Variants in ACO1 observed in about 807,000 individuals in gnomAD.
ACO1 encodes the protein cytoplasmic aconitate hydratase.
A neutral mutation model predicts 105.1 loss-of-function variants in ACO1; 78 were observed. That is an observed-to-expected ratio of 0.74 (90% CI 0.62 to 0.90). The LOEUF (loss-of-function observed/expected upper bound fraction) is 0.90. Among genes scored for constraint, ACO1 ranks in the 40% least tolerant of loss-of-function variants. The pLI, the probability that ACO1 is intolerant of heterozygous loss-of-function variation, is 0.00. For synonymous variants in ACO1, 364 were observed against 397.4 expected, an observed-to-expected ratio of 0.92 and a Z score of 1.00; for missense variants, 965 against 1,111.1, an observed-to-expected ratio of 0.87 and a Z score of 1.87.
chr9:32,424,801 A>T, intron 10 of ACO1, 136 bp downstream of exon 10: 1 of 649,772 alleles, frequency 1.5e-6, no homozygotes, highest in Admixed American at 2.8e-5. Context: ...TTCCTTCTGA[A>T]GTCCTTAATG....
rs201517506 is a variant in ACO1 at position 32,418,499 on chromosome 9, A to G, written c.646A>G (p.Ile216Val). ...SHTTMIDGLG[I>V]LGWGVGGIEA... The stretch of plus-strand genomic sequence containing the variant: ...CACTACCATGATTGATGGCTTGGGC[A>G]TTCTTGGTTGGGGTGAGTGTTCTTC... Residue 216 changes from isoleucine (I) to valine (V), a missense_variant, in exon 6 of 21, where the codon ATT becomes GTT. Transcript: ENST00000309951. The G allele has an allele frequency of 3.7e-6, 6 of 1,612,722 alleles. No homozygotes were observed. Among genetic ancestry groups the G allele is most frequent in the Non-Finnish European group, 4.2e-6 (5 of 1,178,860 alleles).
chr9:32,418,410 C>A lies in ACO1; in HGVS notation c.557C>A (p.Ala186Glu). 6.2e-7 allele frequency: 1 copy of A among 1,614,152 alleles called. No homozygotes were observed. Among genetic ancestry groups the A allele is most frequent in the Non-Finnish European group, 8.5e-7 (1 of 1,180,012 alleles). Residue 186 changes from alanine to glutamate, a missense_variant, in exon 6 of 21, where the codon GCA (alanine) becomes GAA (glutamate). Ala to Glu is a moderately radical substitution (Grantham distance 107, BLOSUM62 -1). Coordinates refer to ENST00000309951, the MANE Select transcript of ACO1 (RefSeq NM_002197.3). ...CACCAGGTGAATTTGGAATATTTGG[C>A]AAGAGTGGTATTTGATCAGGATGGA... is the stretch of plus-strand genomic sequence containing the variant. Reference protein sequence around the residue: ...IIHQVNLEYLARVVFDQDGYY... With the variant: ...IIHQVNLEYLERVVFDQDGYY...
chr9:32,408,480 C>A, intron 3 of ACO1, 34 bp from the exon 4 acceptor site: 1 of 1,612,084 alleles, frequency 6.2e-7, no homozygotes, highest in Non-Finnish European at 8.5e-7. Flanking sequence ...ACATTTAAGG[C>A]TTATTTTCTG....
At chr9:32,391,782 A>G (rs1821272004) in intron 1 of ACO1, among the ~76,000 whole-genome samples, 1 of 152,210 alleles carries the variant, frequency 6.6e-6, no homozygotes, top group Non-Finnish European at 1.5e-5. Context: ...CTCCTACATG[A>G]TTACCAGGTT....
At chr9:32,406,654 A>G (rs1821617605) in intron 2 of ACO1, among the ~76,000 whole-genome samples, 1 of 152,202 alleles carries the variant, frequency 6.6e-6, no homozygotes, top group South Asian at 2.1e-4. Flanking sequence ...TACAATAAAA[A>G]TCTAGACTGA....
chr9:32,409,788 G>A (rs1465378593), intron 4 of ACO1, among the ~76,000 whole-genome samples: 2 of 151,894 alleles, frequency 1.3e-5, no homozygotes, highest in African/African-American at 2.4e-5. Flanking sequence ...CAGAAGGTTA[G>A]GCCATGCATA....
intron 17 of ACO1, among the ~76,000 whole-genome samples, chr9:32,435,512 T>C (rs1822335906): frequency 6.6e-6 from 1 of 152,218 alleles, no homozygotes; most frequent in Non-Finnish European, 1.5e-5. Context: ...TTAAATTCTA[T>C]CTAACCATTG....
chr9:32,425,867 T>A lies in ACO1; in HGVS notation c.1218T>A (p.Pro406=), dbSNP rs550196915. The change falls in exon 11 of 21, where the codon CCT becomes CCA. Residue 406 remains proline (P), a synonymous_variant. Transcript: ENST00000309951. ...KQGFKGFQVA[P]EHHNDHKTFI... is the part of the protein sequence containing the mutation. ...GATTTAAAGGATTCCAAGTTGCTCCTGAACATCATAATGACCATAAGACCT... is the reference window on the plus strand; with the variant it reads ...GATTTAAAGGATTCCAAGTTGCTCCAGAACATCATAATGACCATAAGACCT... 6.2e-7 allele frequency: 1 copy of A among 1,613,744 alleles called. No individual in the cohort carries two copies. Among genetic ancestry groups the A allele is most frequent in the East Asian group, 2.2e-5 (1 of 44,882 alleles).
At chr9:32,387,328 A>G (rs570268957) in intron 1 of ACO1, among the ~76,000 whole-genome samples, 27 of 152,294 alleles carry the variant, frequency 1.8e-4, no homozygotes, top group African/African-American at 6.3e-4. Flanking sequence ...TTATACTAGC[A>G]TTTGTGCATA....
chr9:32,409,359 A>T (rs1821684493), intron 4 of ACO1, among the ~76,000 whole-genome samples: 1 of 152,234 alleles, frequency 6.6e-6, no homozygotes, highest in African/African-American at 2.4e-5. Flanking sequence ...TAGGCATTTA[A>T]TATCCTAAAT....
intron 1 of ACO1, among the ~76,000 whole-genome samples, chr9:32,397,660 G>T (rs190951604): frequency 6.6e-6 from 1 of 152,300 alleles, no homozygotes; most frequent in Non-Finnish European, 1.5e-5. Flanking sequence ...AAACAGAAAT[G>T]AAATATAGCT....
chr9:32,404,913 C>T (rs928593137), intron 1 of ACO1, among the ~76,000 whole-genome samples: 1 of 152,162 alleles, frequency 6.6e-6, no homozygotes, highest in African/African-American at 2.4e-5. Context: ...CAAGAAAGAA[C>T]CCTGGATAAT....
rs1405253791 is a variant in ACO1, at chr9:32,453,039, ACTT to A, written c.*2932_*2934del. On this transcript the variant is annotated 3_prime_UTR_variant, in exon 21 of 21. Transcript: ENST00000309951. ...CCCACTAACAAGCCTAAATAAACCA[ACTT>A]CTTTTACCTGGTTCTTTAAGGGCTG... 1.4e-5 allele frequency: 2 copies of A among 146,318 alleles called. No homozygotes were observed. Among genetic ancestry groups the A allele is most frequent in the African/African-American group, 5.0e-5 (2 of 39,892 alleles). 9.1% of individuals were successfully genotyped at this position (146,318 alleles called of 1,614,324 possible).
intron 1 of ACO1, among the ~76,000 whole-genome samples, chr9:32,404,810 A>G (rs1460945068): frequency 6.6e-6 from 1 of 152,218 alleles, no homozygotes. Context: ...GTGCCCACCA[A>G]TGATTCTCAA....
At chr9:32,408,762 C>T (rs1458447158) in intron 4 of ACO1, 111 bp downstream of exon 4, 1 of 1,309,086 alleles carries the variant, frequency 7.6e-7, no homozygotes, top group East Asian at 2.5e-5. Flanking sequence ...TCAAAGATAT[C>T]TTCTGAAAAA....
rs1198617310 is a variant in ACO1 at position 32,454,553 on chromosome 9, T to A, written c.*4442T>A. Reference sequence around the variant, plus strand: ...CCCTGCCAGGATGCTCTAATGGGGCTGGGCATGTGTCCATGAAAAAGACTC... The same window carrying A: ...CCCTGCCAGGATGCTCTAATGGGGCAGGGCATGTGTCCATGAAAAAGACTC... On this transcript the variant is annotated 3_prime_UTR_variant, in exon 21 of 21. Transcript: ENST00000309951. The A allele has an allele frequency of 6.6e-6, 1 of 152,128 alleles. No individual in the cohort carries two copies. The highest frequency in any genetic ancestry group is 1.5e-5 in the Non-Finnish European group (1 of 68,020). 9.4% of individuals were successfully genotyped at this position (152,128 alleles called of 1,614,324 possible).
chr9:32,405,425 C>A, intron 1 of ACO1, 60 bp from the exon 2 acceptor site: 2 of 1,003,398 alleles, frequency 2.0e-6, no homozygotes, highest in East Asian at 2.4e-5. Context: ...CCTCCCAGTC[C>A]TGATTTCTAG....
At chr9:32,403,624 A>G (rs1821544717) in intron 1 of ACO1, among the ~76,000 whole-genome samples, 1 of 152,218 alleles carries the variant, frequency 6.6e-6, no homozygotes, top group Admixed American at 6.5e-5. Context: ...CCCACTGCAT[A>G]ATGGCAGATA....
rs1587534377 is a variant in ACO1, at chr9:32,419,122, T to G, written c.743T>G (p.Met248Arg). Residue 248 changes from methionine (M) to arginine (R), a missense_variant, in exon 7 of 21, where the codon ATG becomes AGG. Coordinates refer to ENST00000309951, the MANE Select transcript of ACO1 (RefSeq NM_002197.3). ...CCTCAGGTGATTGGCTACAGGCTGA[T>G]GGGGAAGCCCCACCCTCTGGTAACA... ...VLPQVIGYRL[M>R]GKPHPLVTST... is the part of the protein sequence containing the mutation. 1 of 1,609,260 alleles carries G rather than the reference T, an allele frequency of 6.2e-7. No homozygotes were observed. Among genetic ancestry groups the G allele is most frequent in the Non-Finnish European group, 8.5e-7 (1 of 1,177,652 alleles).
Sources: gnomAD v4.1 joint callset for allele counts (sites outside exome capture counted in the v4.1 genomes callset) on GRCh38, gnomAD v4.1.1 for gene constraint, MANE v1.5 for transcripts, NCBI Gene and HGNC (gene_info 2026-07-23, HGNC 2026-07-21) for gene names.